Variants in ZNF366 observed in about 807,000 individuals in gnomAD.
ZNF366 encodes the protein dendritic cell-specific transcript protein.
In ZNF366, 20 loss-of-function variants were observed where a neutral mutation model predicts 47.2. The observed-to-expected ratio is 0.42, with a 90% CI of 0.30 to 0.62. ZNF366 has a LOEUF of 0.62. Among genes scored for constraint, ZNF366 ranks in the 20% least tolerant of loss-of-function variants. The probability of loss-of-function intolerance (pLI) is 0.16; values close to 1 mark genes in which losing one functional copy is unlikely to be tolerated. For missense variants in ZNF366, 987 were observed against 976.3 expected, an observed-to-expected ratio of 1.01 and a Z score of -0.15; for synonymous variants, 421 against 395.1, an observed-to-expected ratio of 1.07 and a Z score of -0.78.
At chr5:72,469,946 G>A (rs2112335895) in intron 1 of ZNF366, among the ~76,000 whole-genome samples, 1 of 152,286 alleles carries the variant, frequency 6.6e-6, no homozygotes, top group South Asian at 2.1e-4. Flanking sequence ...TCAGGACGCT[G>A]AGGTGGGAAG....
At chr5:72,484,483 CAAA>C (rs770305478) in intron 1 of ZNF366, among the ~76,000 whole-genome samples, 9 of 129,988 alleles carry the variant, frequency 6.9e-5, no homozygotes, top group Non-Finnish European at 1.1e-4. Flanking sequence ...GACTCCGTCT[CAAA>C]AAAAAAAAAA....
chr5:72,453,024 GA>G (rs1743106477), intron 3 of ZNF366, among the ~76,000 whole-genome samples: 1 of 151,990 alleles, frequency 6.6e-6, no homozygotes, highest in Non-Finnish European at 1.5e-5. Flanking sequence ...TTTTTATAAG[GA>G]AAAAAAGAAA....
intron 1 of ZNF366, among the ~76,000 whole-genome samples, chr5:72,490,723 C>T (rs1187482098): frequency 6.6e-6 from 1 of 152,194 alleles, no homozygotes; most frequent in Non-Finnish European, 1.5e-5. Context: ...TGCCCACCCC[C>T]AGCTACCAGA....
At chr5:72,492,878 C>T (rs1561204257) in intron 1 of ZNF366, among the ~76,000 whole-genome samples, 1 of 152,196 alleles carries the variant, frequency 6.6e-6, no homozygotes, top group Non-Finnish European at 1.5e-5. Context: ...CTTTACTTCA[C>T]ATCAGTTCCA....
intron 1 of ZNF366, among the ~76,000 whole-genome samples, chr5:72,462,327 G>A: frequency 6.6e-6 from 1 of 152,116 alleles, no homozygotes. Context: ...GCCGCACATG[G>A]GTCTCTCCTT....
intron 1 of ZNF366, among the ~76,000 whole-genome samples, chr5:72,493,182 G>A (rs1744047282): frequency 6.6e-6 from 1 of 152,114 alleles, no homozygotes; most frequent in Admixed American, 6.6e-5. Context: ...AATGTCTATT[G>A]AGCCCCAACT....
At position 72,460,392 on chromosome 5, in the gene ZNF366, C is replaced by G; in HGVS notation, c.1105G>C (p.Glu369Gln). Residue 369 changes from glutamate (E) to glutamine (Q), a missense_variant, in exon 2 of 5, where the codon GAG becomes CAG. By Grantham distance (29) the Glu-to-Gln change is conservative. Transcript: ENST00000318442. ...HASGRENICV[E>Q]CGLDFPTLAQ... ...AAGGTGGGGAAGTCGAGGCCGCACT[C>G]CACACAGATGTTCTCGCGCCCACTG... 6.2e-7 allele frequency: 1 copy of G among 1,614,244 alleles called. No individual in the cohort carries two copies. The highest frequency in any genetic ancestry group is 8.5e-7 in the Non-Finnish European group (1 of 1,180,044).
chr5:72,456,951 A>C (rs2112324497), intron 2 of ZNF366, among the ~76,000 whole-genome samples: 1 of 152,278 alleles, frequency 6.6e-6, no homozygotes, highest in South Asian at 2.1e-4. Flanking sequence ...ATGAGTCCAT[A>C]ATCCAGCTTT....
intron 1 of ZNF366, among the ~76,000 whole-genome samples, chr5:72,490,203 C>A (rs962682393): frequency 3.9e-5 from 6 of 152,182 alleles, no homozygotes; most frequent in African/African-American, 1.2e-4. Context: ...ATCACTTAAT[C>A]ATTTAATAAC....
chr5:72,495,394 G>A (rs1744093548), intron 1 of ZNF366, among the ~76,000 whole-genome samples: 1 of 152,152 alleles, frequency 6.6e-6, no homozygotes, highest in Non-Finnish European at 1.5e-5. Flanking sequence ...AACTCCCCAT[G>A]GTCATGCTGT....
At chr5:72,465,741 G>A (rs1414083982) in intron 1 of ZNF366, among the ~76,000 whole-genome samples, 2 of 152,158 alleles carry the variant, frequency 1.3e-5, no homozygotes, top group Non-Finnish European at 2.9e-5. Flanking sequence ...TTGAAACAAC[G>A]TGCAAAAAGA....
rs760651406 is a variant in ZNF366, at chr5:72,443,032, G to C, written c.*724C>G. The C allele has an allele frequency of 6.6e-6, 1 of 152,416 alleles. No homozygotes were observed. The highest frequency in any genetic ancestry group is 3.4e-3 in the Middle Eastern group (1 of 294). The allele number at this position is 152,416 out of a possible 1,614,324, so 9.4% of individuals were successfully genotyped here. ...TGGTCTCCAGGAGGGAGCCGTGCTC[G>C]AGAAGTGAGGGTTTGTCTGAGGAGC... On this transcript the variant is annotated 3_prime_UTR_variant, in exon 5 of 5. Coordinates refer to ENST00000318442, the MANE Select transcript of ZNF366 (RefSeq NM_152625.3).
At chr5:72,484,210 C>T (rs376833468) in intron 1 of ZNF366, among the ~76,000 whole-genome samples, 11 of 152,050 alleles carry the variant, frequency 7.2e-5, no homozygotes, top group African/African-American at 1.9e-4. Flanking sequence ...AATCGCCGGG[C>T]GCGGTGGCTC....
At chr5:72,507,109 G>A (rs1369601102) in intron 1 of ZNF366, 142 bp downstream of exon 1, 2 of 508,094 alleles carry the variant, frequency 3.9e-6, no homozygotes, top group Non-Finnish European at 5.1e-6. Context: ...AAAAGTATTA[G>A]CTGAAATTCT....
chr5:72,474,961 G>A (rs929280054), intron 1 of ZNF366, among the ~76,000 whole-genome samples: 2 of 152,148 alleles, frequency 1.3e-5, no homozygotes, highest in East Asian at 1.9e-4. Context: ...AAAGAAAGGA[G>A]GGGTAGCATA....
chr5:72,493,574 C>T (rs1744054700), intron 1 of ZNF366: 1 of 152,098 alleles, frequency 6.6e-6, no homozygotes, highest in South Asian at 2.1e-4. Flanking sequence ...GACCTAGATT[C>T]TTCAAAACAC....
At chr5:72,483,494 G>T (rs1431209146) in intron 1 of ZNF366, among the ~76,000 whole-genome samples, 1 of 152,084 alleles carries the variant, frequency 6.6e-6, no homozygotes, top group East Asian at 1.9e-4. Context: ...TGTCTCTGTG[G>T]CATGTAGCTT....
chr5:72,471,951 G>A (rs1005476481), intron 1 of ZNF366, among the ~76,000 whole-genome samples: 2 of 152,162 alleles, frequency 1.3e-5, no homozygotes, highest in African/African-American at 4.8e-5. Context: ...CTCTGCCTAA[G>A]GTCTTTGGAT....
At chr5:72,486,143 G>T (rs1172323867) in intron 1 of ZNF366, among the ~76,000 whole-genome samples, 1 of 152,172 alleles carries the variant, frequency 6.6e-6, no homozygotes, top group Non-Finnish European at 1.5e-5. Context: ...AGGAATATTT[G>T]TCTTTTGTTT....
Sources: gnomAD v4.1 joint callset for allele counts (sites outside exome capture counted in the v4.1 genomes callset) on GRCh38, gnomAD v4.1.1 for gene constraint, MANE v1.5 for transcripts, NCBI Gene and HGNC (gene_info 2026-07-23, HGNC 2026-07-21) for gene names.